Variants in FOXP2 observed in about 807,000 individuals in gnomAD.
FOXP2 encodes forkhead box P2, also known as forkhead box protein P2.
In FOXP2, 12 loss-of-function variants were observed where a neutral mutation model predicts 115.8. The observed-to-expected ratio is 0.10, with a 90% CI of 0.07 to 0.17. FOXP2 has a LOEUF of 0.17. FOXP2 is among the 10% of genes least tolerant of loss of function. FOXP2 has a pLI of 1.00. For synonymous variants in FOXP2, 328 were observed against 297.7 expected (o/e 1.10, Z -1.05); for missense variants, 629 against 843.5 (o/e 0.75, Z 3.15).
At chr7:114,299,868 GT>G (rs1796835032) in intron 2 of FOXP2, among the ~76,000 whole-genome samples, 1 of 151,964 alleles carries the variant, frequency 6.6e-6, no homozygotes, top group African/African-American at 2.4e-5. Context: ...GAATCAAAAA[GT>G]GGTTTCTTTG....
chr7:114,532,465 G>T (rs935721901), intron 2 of FOXP2, among the ~76,000 whole-genome samples: 2 of 151,818 alleles, frequency 1.3e-5, no homozygotes, highest in African/African-American at 4.8e-5. Flanking sequence ...AACAGAAACA[G>T]TATGGCACAC....
chr7:114,544,909 TAC>T (rs780946843), intron 3 of FOXP2, among the ~76,000 whole-genome samples: 3 of 152,190 alleles, frequency 2.0e-5, no homozygotes, highest in Non-Finnish European at 2.9e-5. Context: ...ACCACTGCCA[TAC>T]ACAGTCTTAG....
chr7:114,194,584 A>G (rs1248725765), intron 1 of FOXP2, among the ~76,000 whole-genome samples: 1 of 152,070 alleles, frequency 6.6e-6, no homozygotes, highest in East Asian at 1.9e-4. Flanking sequence ...CATTTATTCA[A>G]ACTTATTGCA....
At chr7:114,478,787 C>T (rs1434622459) in intron 2 of FOXP2, among the ~76,000 whole-genome samples, 1 of 151,710 alleles carries the variant, frequency 6.6e-6, no homozygotes, top group African/African-American at 2.4e-5. Context: ...TGAACTAACA[C>T]AACACCACGT....
intron 3 of FOXP2, among the ~76,000 whole-genome samples, chr7:114,546,795 C>T (rs1799946480): frequency 6.6e-6 from 1 of 152,178 alleles, no homozygotes; most frequent in Admixed American, 6.5e-5. Context: ...TATCTGATTA[C>T]TTCTCTAGCT....
At chr7:114,400,606 C>T (rs553482630) in intron 2 of FOXP2, among the ~76,000 whole-genome samples, 2 of 152,046 alleles carry the variant, frequency 1.3e-5, no homozygotes, top group African/African-American at 2.4e-5. Flanking sequence ...AGACAGGAGT[C>T]GGGTGGGGTC....
intron 1 of FOXP2, among the ~76,000 whole-genome samples, chr7:114,280,173 T>A (rs926915427): frequency 5.9e-5 from 9 of 151,958 alleles, no homozygotes; most frequent in Non-Finnish European, 1.3e-4. Flanking sequence ...GCTGGTGTAT[T>A]TTTTGAGCCC....
chr7:114,578,560 A>G (rs952702207), intron 3 of FOXP2, among the ~76,000 whole-genome samples: 1 of 152,118 alleles, frequency 6.6e-6, no homozygotes, highest in African/African-American at 2.4e-5. Flanking sequence ...GTTCATATGT[A>G]TTAATTTTGC....
At chr7:114,465,658 G>T (rs987800581) in intron 2 of FOXP2, among the ~76,000 whole-genome samples, 1 of 152,192 alleles carries the variant, frequency 6.6e-6, no homozygotes, top group African/African-American at 2.4e-5. Flanking sequence ...AGGGAGGTTT[G>T]TTGAGCAATT....
At chr7:114,096,579 A>G (rs1209016184) in intron 1 of FOXP2, among the ~76,000 whole-genome samples, 1 of 152,186 alleles carries the variant, frequency 6.6e-6, no homozygotes, top group Non-Finnish European at 1.5e-5. Flanking sequence ...TCTCTTTGAT[A>G]TCTTCCTAAT....
At chr7:114,129,567 G>A (rs1791815496) in intron 1 of FOXP2, among the ~76,000 whole-genome samples, 3 of 152,176 alleles carry the variant, frequency 2.0e-5, no homozygotes, top group African/African-American at 7.2e-5. Flanking sequence ...TTAAATGTGT[G>A]TTTTTGGAGT....
chr7:114,356,271 T>C (rs1791614932), intron 2 of FOXP2, among the ~76,000 whole-genome samples: 1 of 152,196 alleles, frequency 6.6e-6, no homozygotes, highest in Non-Finnish European at 1.5e-5. Context: ...ATACTTCGCA[T>C]ATTGTTAATT....
At chr7:114,441,246 A>G (rs1794591381) in intron 2 of FOXP2, among the ~76,000 whole-genome samples, 1 of 151,952 alleles carries the variant, frequency 6.6e-6, no homozygotes, top group African/African-American at 2.4e-5. Context: ...TCAAGAGTTC[A>G]AGACCAGCCT....
chr7:114,330,324 C>G (rs1321168301), intron 2 of FOXP2, among the ~76,000 whole-genome samples: 1 of 151,738 alleles, frequency 6.6e-6, no homozygotes, highest in Non-Finnish European at 1.5e-5. Context: ...AGATAAAGTT[C>G]ATAACTGAAG....
intron 1 of FOXP2, among the ~76,000 whole-genome samples, chr7:114,264,654 T>G (rs1341393114): frequency 6.6e-6 from 1 of 152,186 alleles, no homozygotes; most frequent in Non-Finnish European, 1.5e-5. Flanking sequence ...GTTTTTGAGT[T>G]ACTATAAAGA....
At chr7:114,190,963 C>T (rs1485741341) in intron 1 of FOXP2, among the ~76,000 whole-genome samples, 2 of 152,078 alleles carry the variant, frequency 1.3e-5, no homozygotes, top group African/African-American at 4.8e-5. Flanking sequence ...TTAAATCAGT[C>T]CTCTTCCAGA....
chr7:114,138,379 T>A (rs1057247131), intron 1 of FOXP2, among the ~76,000 whole-genome samples: 2 of 145,782 alleles, frequency 1.4e-5, no homozygotes, highest in Non-Finnish European at 3.0e-5. Flanking sequence ...CCACAACAAC[T>A]CTATAAGCCT....
At chr7:114,309,830 CT>C (rs563195470) in intron 2 of FOXP2, among the ~76,000 whole-genome samples, 3,762 of 135,966 alleles carry the variant, frequency 0.028, 73 homozygotes, top group African/African-American at 0.057. Flanking sequence ...ACACTCAACT[CT>C]TTTTTTTTTT....
At chr7:114,150,577 C>G (rs1371086940) in intron 1 of FOXP2, among the ~76,000 whole-genome samples, 1 of 151,928 alleles carries the variant, frequency 6.6e-6, no homozygotes, top group Non-Finnish European at 1.5e-5. Context: ...GTTTTTGCTG[C>G]ATTGTGTTGT....
Sources: allele counts gnomAD v4.1 joint callset (sites outside exome capture counted in the v4.1 genomes callset), GRCh38; gene constraint gnomAD v4.1.1; transcripts MANE v1.5; gene names NCBI Gene and HGNC (gene_info 2026-07-23, HGNC 2026-07-21).